REPS2: variants seen among roughly 807,000 people sequenced by gnomAD.
REPS2 encodes the protein RALBP1 associated Eps domain containing 2.
REPS2 carries 23 observed loss-of-function variants against 53.6 expected under a neutral mutation model. The observed-to-expected ratio is 0.43, with a 90% CI of 0.31 to 0.61. The LOEUF is 0.61. REPS2 is among the 20% of genes least tolerant of loss of function. The pLI is 0.11. For synonymous variants in REPS2, 238 were observed against 218.6 expected (o/e 1.09, Z -0.78); for missense variants, 446 against 534.9 (o/e 0.83, Z 1.64).
At chrX:17,174,900 G>A in the REPS2 span, among the ~76,000 whole-genome samples, 3 of 112,989 alleles carry the variant, frequency 2.7e-5, no homozygotes, top group African/African-American at 9.6e-5. Flanking sequence ...CTGCATGACT[G>A]AGACTGAGGG....
At chrX:17,026,758 G>A (rs2061650559) in intron 4 of REPS2, among the ~76,000 whole-genome samples, 1 of 110,934 alleles carries the variant, frequency 9.0e-6, no homozygotes, top group Non-Finnish European at 1.9e-5. Context: ...TAAAAGTGAG[G>A]TAAAATATAC....
intron 14 of REPS2, among the ~76,000 whole-genome samples, chrX:17,115,882 G>T (rs944325565): frequency 8.9e-6 from 1 of 112,044 alleles, no homozygotes; most frequent in Non-Finnish European, 1.9e-5. Flanking sequence ...CAAGGCAGAA[G>T]AATTTTTCTC....
intron 1 of REPS2, among the ~76,000 whole-genome samples, chrX:16,951,822 G>A (rs1296146264): frequency 8.9e-6 from 1 of 112,126 alleles, no homozygotes; most frequent in Non-Finnish European, 1.9e-5. Context: ...TTTTAGGATA[G>A]TGTCAGTCTC....
At chrX:17,082,791 A>G (rs2062474830) in intron 13 of REPS2, among the ~76,000 whole-genome samples, 2 of 112,668 alleles carry the variant, frequency 1.8e-5, no homozygotes, top group African/African-American at 6.4e-5. Flanking sequence ...GCTTCTGGGC[A>G]AGGGGAACAG....
At chrX:17,104,280 A>T (rs1253800663) in intron 14 of REPS2, among the ~76,000 whole-genome samples, 1 of 111,997 alleles carries the variant, frequency 8.9e-6, no homozygotes, top group Non-Finnish European at 1.9e-5. Flanking sequence ...CTGAGATAGC[A>T]GGAGGGGGAG....
intron 1 of REPS2, among the ~76,000 whole-genome samples, chrX:16,971,738 G>A (rs1001996612): frequency 5.4e-5 from 6 of 111,938 alleles, no homozygotes; most frequent in African/African-American, 1.9e-4. Flanking sequence ...TTTTGTATAT[G>A]GATATCCACT....
chrX:17,019,689 T>C (rs1417945631), intron 2 of REPS2, among the ~76,000 whole-genome samples: 2 of 110,890 alleles, frequency 1.8e-5, no homozygotes, highest in Admixed American at 1.9e-4. Context: ...TTAGCCAGCA[T>C]GGTGGCAAGC....
At chrX:17,038,780 G>A (rs2061796611) in intron 5 of REPS2, among the ~76,000 whole-genome samples, 1 of 112,238 alleles carries the variant, frequency 8.9e-6, no homozygotes, top group African/African-American at 3.2e-5. Context: ...CTGAAAGAAG[G>A]CAGCTGTGGC....
At chrX:17,190,981 G>A in the REPS2 span, among the ~76,000 whole-genome samples, 1 of 111,690 alleles carries the variant, frequency 9.0e-6, no homozygotes, top group Non-Finnish European at 1.9e-5. Flanking sequence ...ATGGATCATA[G>A]ACATAAATAT....
At chrX:17,063,905 A>C (rs1353054299) in intron 9 of REPS2, among the ~76,000 whole-genome samples, 1 of 93,585 alleles carries the variant, frequency 1.1e-5, no homozygotes, top group Non-Finnish European at 2.1e-5. Flanking sequence ...TTACACATGC[A>C]CACGTCTGTT....
At chrX:17,107,013 A>T (rs753246581) in intron 14 of REPS2, among the ~76,000 whole-genome samples, 1 of 111,999 alleles carries the variant, frequency 8.9e-6, no homozygotes, top group Non-Finnish European at 1.9e-5. Flanking sequence ...CTGATCTTTG[A>T]CAAACCTGAC....
chrX:17,022,081 A>T (rs758589901), intron 2 of REPS2, 42 bp from the exon 3 acceptor site: 2 of 1,144,065 alleles, frequency 1.7e-6, no homozygotes, highest in South Asian at 4.2e-5. Flanking sequence ...GCAGTTTTTA[A>T]ATTAAGTCTG....
At chrX:17,030,436 C>A (rs1406494295) in intron 5 of REPS2, among the ~76,000 whole-genome samples, 1 of 110,714 alleles carries the variant, frequency 9.0e-6, no homozygotes, top group Non-Finnish European at 1.9e-5. Context: ...GAATAAGGAA[C>A]ATTTTTGCAC....
chrX:17,078,242 G>A (rs934719501), intron 13 of REPS2, among the ~76,000 whole-genome samples: 2 of 112,073 alleles, frequency 1.8e-5, no homozygotes, highest in African/African-American at 6.5e-5. Context: ...CTCCATCTAT[G>A]TGCATTTTAA....
intron 2 of REPS2, among the ~76,000 whole-genome samples, chrX:17,019,163 T>C (rs957245149): frequency 1.8e-5 from 2 of 112,039 alleles, no homozygotes; most frequent in Admixed American, 1.9e-4. Flanking sequence ...AAAGGATTTT[T>C]CTCTCTTGTA....
chrX:17,156,312 C>T (rs936482933), downstream of REPS2, among the ~76,000 whole-genome samples: 1 of 110,602 alleles, frequency 9.0e-6, no homozygotes, highest in Non-Finnish European at 1.9e-5. Flanking sequence ...GGAATTGACA[C>T]AGAAACTGTA....
intron 5 of REPS2, among the ~76,000 whole-genome samples, chrX:17,042,382 G>A (rs1220296940): frequency 1.8e-5 from 2 of 111,619 alleles, no homozygotes; most frequent in Non-Finnish European, 3.8e-5. Flanking sequence ...TTCAAAATGA[G>A]CCATTCTCAG....
Position 17,077,161 on chromosome X carries a change from C to T in REPS2, c.1380-110C>T, listed in dbSNP as rs1439336482. 14 of 812,061 alleles carry T rather than the reference C, an allele frequency of 1.7e-5. No homozygotes were observed. The Middle Eastern group carries it at 1.2e-3, about 70-fold the overall frequency. 66.9% of individuals were successfully genotyped at this position (812,061 alleles called of 1,213,427 possible). A position where few individuals can be genotyped will look rare whatever the true frequency, so the allele number is the denominator to read the frequency against. On this transcript the variant is annotated intron_variant, in intron 12 of 17. Transcript: ENST00000357277. ...AGAATTTATGGCTGCTTTGGTAGCT[C>T]ATCGGTTCTTTGTAGTCACTTTGAC...
intron 1 of REPS2, among the ~76,000 whole-genome samples, chrX:16,977,544 T>C (rs925685878): frequency 2.8e-5 from 3 of 108,586 alleles, no homozygotes; most frequent in Non-Finnish European, 5.7e-5. Flanking sequence ...AAGACCCCCA[T>C]CTCTAAAAAA....
Sources: allele counts gnomAD v4.1 joint callset (sites outside exome capture counted in the v4.1 genomes callset), GRCh38; gene constraint gnomAD v4.1.1; transcripts MANE v1.5; gene names NCBI Gene and HGNC (gene_info 2026-07-23, HGNC 2026-07-21).